Variants in MROH9 observed in about 807,000 individuals in gnomAD.
MROH9 encodes the protein maestro heat like repeat family member 9.
In MROH9, 92 loss-of-function variants were observed where a neutral mutation model predicts 98.2. The observed-to-expected ratio is 0.94, with a 90% CI of 0.79 to 1.11. The LOEUF is 1.11. Among genes scored for constraint, MROH9 ranks in the 50% most tolerant of loss-of-function variants. The pLI, the probability that MROH9 is intolerant of heterozygous loss-of-function variation, is 0.00. For missense variants in MROH9, 1,057 were observed against 1,014.8 expected, an observed-to-expected ratio of 1.04 and a Z score of -0.57; for synonymous variants, 397 against 368.9, an observed-to-expected ratio of 1.08 and a Z score of -0.87.
At chr1:171,062,615 T>G (rs1204246929) in intron 21 of MROH9, among the ~76,000 whole-genome samples, 1 of 152,254 alleles carries the variant, frequency 6.6e-6, no homozygotes, top group Non-Finnish European at 1.5e-5. Flanking sequence ...AATTCACATT[T>G]TAGTGGATAG....
intron 15 of MROH9, among the ~76,000 whole-genome samples, chr1:171,009,180 G>T (rs1652063565): frequency 6.6e-6 from 1 of 151,892 alleles, no homozygotes; most frequent in African/African-American, 2.4e-5. Flanking sequence ...GACTCTCAAA[G>T]TACCCCTCTT....
chr1:170,942,368 GACACACACACACACAC>G (rs10529238), intron 1 of MROH9, among the ~76,000 whole-genome samples: 1,853 of 145,042 alleles, frequency 0.013, 36 homozygotes, highest in African/African-American at 0.044. Flanking sequence ...ATGTAGAGTA[GACACACACACACACAC>G]ACACACACAC....
At chr1:171,049,973 T>C (rs1653613191) in intron 20 of MROH9, among the ~76,000 whole-genome samples, 1 of 152,206 alleles carries the variant, frequency 6.6e-6, no homozygotes, top group Non-Finnish European at 1.5e-5. Context: ...TGAACCACCA[T>C]GCCTGGACTA....
intron 17 of MROH9, among the ~76,000 whole-genome samples, chr1:171,018,470 G>T (rs1306429747): frequency 4.6e-5 from 7 of 152,066 alleles, no homozygotes; most frequent in African/African-American, 1.7e-4. Context: ...CAACGCTGAA[G>T]GCCCAAAAGG....
At chr1:171,018,990 C>A (rs541003023) in intron 17 of MROH9, among the ~76,000 whole-genome samples, 1 of 152,212 alleles carries the variant, frequency 6.6e-6, no homozygotes, top group Non-Finnish European at 1.5e-5. Flanking sequence ...ACAAAACTCT[C>A]CAACCCAAAT....
chr1:170,990,289 A>G (rs1651307058), intron 11 of MROH9, among the ~76,000 whole-genome samples: 2 of 152,236 alleles, frequency 1.3e-5, no homozygotes, highest in Admixed American at 6.5e-5. Context: ...TGCACATCCC[A>G]GAGGAACAAA....
At chr1:171,060,723 T>C (rs1403020091) in intron 20 of MROH9, among the ~76,000 whole-genome samples, 1 of 152,182 alleles carries the variant, frequency 6.6e-6, no homozygotes, top group Admixed American at 6.5e-5. Flanking sequence ...CTTCATGCTG[T>C]ATAACTCCAG....
intron 14 of MROH9, 129 bp downstream of exon 14, chr1:170,996,773 T>A (rs1651593843): frequency 1.1e-6 from 1 of 886,424 alleles, no homozygotes. Flanking sequence ...TGATCTGAGT[T>A]GCTATTTGAT....
At chr1:170,953,209 A>G (rs1346033731) in intron 3 of MROH9, among the ~76,000 whole-genome samples, 1 of 152,118 alleles carries the variant, frequency 6.6e-6, no homozygotes, top group African/African-American at 2.4e-5. Flanking sequence ...GACTTCATAC[A>G]GTATCTTTAG....
intron 20 of MROH9, among the ~76,000 whole-genome samples, chr1:171,028,088 T>A (rs1652786408): frequency 6.6e-6 from 1 of 152,234 alleles, no homozygotes; most frequent in Non-Finnish European, 1.5e-5. Flanking sequence ...TTTGGTGTTT[T>A]TGTCATGAAA....
Position 170,989,865 on chromosome 1 carries a change from T to C in MROH9, c.890T>C (p.Ile297Thr). ...GAATTTCTCTTCCAGGTGTCTAAGA[T>C]CGTGGATGCTATTTACAGGCAACTG... The part of the protein sequence containing the change: ...HAEKVTMVSK[I>T]VDAIYRQLCD... The change falls in exon 11 of 22, where the codon ATC (isoleucine) becomes ACC (threonine). Residue 297 changes from isoleucine to threonine, a missense_variant. By Grantham distance (89) the Ile-to-Thr change is moderately conservative. Transcript: ENST00000367759. 1 of 1,602,770 alleles carries C rather than the reference T, an allele frequency of 6.2e-7. No individual in the cohort carries two copies. Among genetic ancestry groups the C allele is most frequent in the Non-Finnish European group, 8.5e-7 (1 of 1,171,458 alleles).
chr1:171,004,226 C>A lies in MROH9; in HGVS notation c.1596+5952C>A, dbSNP rs73038283. On this transcript the variant is annotated intron_variant, in intron 15 of 21. Coordinates refer to ENST00000367759, the MANE Select transcript of MROH9 (RefSeq NM_001163629.2). ...CCCCTGCCTGTGAAGTCTAAGTCTG[C>A]AAGCCACATTCATGCCCTCCCCCGA... Among the ~76,000 whole-genome samples the A allele has an allele frequency of 6.8e-3, 1,040 of 152,274 alleles. 15 individuals carry two copies. The highest frequency in any genetic ancestry group is 0.024 in the African/African-American group (983 of 41,536).
At chr1:170,948,019 TTA>T (rs1649401518) in intron 3 of MROH9, among the ~76,000 whole-genome samples, 1 of 151,990 alleles carries the variant, frequency 6.6e-6, no homozygotes. Context: ...CCTTTTCCAT[TTA>T]TCTTATTTTC....
At chr1:170,936,100 C>T (rs1648871036) in intron 1 of MROH9, among the ~76,000 whole-genome samples, 1 of 150,452 alleles carries the variant, frequency 6.6e-6, no homozygotes, top group Non-Finnish European at 1.5e-5. Flanking sequence ...ATTCATTAAT[C>T]TCCTAACTTC....
At chr1:170,999,149 A>G (rs1288861604) in intron 15 of MROH9, among the ~76,000 whole-genome samples, 1 of 151,498 alleles carries the variant, frequency 6.6e-6, no homozygotes. Flanking sequence ...TCTTTAGTTG[A>G]CTATTTACAG....
At chr1:171,050,256 G>T (rs1401039352) in intron 20 of MROH9, among the ~76,000 whole-genome samples, 1 of 152,026 alleles carries the variant, frequency 6.6e-6, no homozygotes, top group Non-Finnish European at 1.5e-5. Context: ...TAATTTTATG[G>T]TTTTGGGTCT....
At chr1:170,977,745 C>T (rs1451071730) in intron 8 of MROH9, among the ~76,000 whole-genome samples, 1 of 152,164 alleles carries the variant, frequency 6.6e-6, no homozygotes, top group Non-Finnish European at 1.5e-5. Flanking sequence ...TGTTTCCTCC[C>T]CAACTCGGAG....
At chr1:170,979,897 T>C (rs1190544379) in intron 8 of MROH9, among the ~76,000 whole-genome samples, 2 of 152,078 alleles carry the variant, frequency 1.3e-5, no homozygotes, top group Admixed American at 1.3e-4. Flanking sequence ...AAAATCTCAA[T>C]ACAAAATCAA....
intron 1 of MROH9, among the ~76,000 whole-genome samples, chr1:170,942,374 C>G (rs1178518533): frequency 2.4e-5 from 1 of 42,496 alleles, no homozygotes; most frequent in African/African-American, 8.8e-5. Context: ...AGTAGACACA[C>G]ACACACACAC....
Sources: gnomAD v4.1 joint callset for allele counts (sites outside exome capture counted in the v4.1 genomes callset) on GRCh38, gnomAD v4.1.1 for gene constraint, MANE v1.5 for transcripts, NCBI Gene and HGNC (gene_info 2026-07-23, HGNC 2026-07-21) for gene names.